PRELID2: variants seen among roughly 807,000 people sequenced by gnomAD.
PRELID2 encodes PRELI domain containing 2.
In PRELID2, 25 loss-of-function variants were observed where a neutral mutation model predicts 28.4. The ratio of observed to expected loss-of-function variants is 0.88; its 90% CI spans 0.64 to 1.23. The LOEUF (loss-of-function observed/expected upper bound fraction) is 1.23, where lower values mean the gene tolerates loss of function less well. Ranked by LOEUF, PRELID2 falls within the 50% of genes most tolerant of loss-of-function variation. The pLI is 0.00. For missense variants in PRELID2, 201 were observed against 214.4 expected (o/e 0.94, Z 0.39); for synonymous variants, 76 against 71.6 (o/e 1.06, Z -0.31).
At chr5:145,257,254 T>C in the PRELID2 span, among the ~76,000 whole-genome samples, 7,654 of 150,462 alleles carry the variant, frequency 0.051, 408 homozygotes, top group African/African-American at 0.12. Context: ...GCAGTAACTA[T>C]ATAATACATT....
At chr5:145,832,947 T>C (rs1398097493) in intron 1 of PRELID2, among the ~76,000 whole-genome samples, 1 of 152,308 alleles carries the variant, frequency 6.6e-6, no homozygotes, top group Middle Eastern at 3.4e-3. Flanking sequence ...ACCATGTATT[T>C]TCCTTTCATA....
intron 1 of PRELID2, among the ~76,000 whole-genome samples, chr5:145,498,140 T>A (rs1021598640): frequency 2.0e-5 from 3 of 152,068 alleles, no homozygotes; most frequent in Non-Finnish European, 2.9e-5. Flanking sequence ...CCACCCAGCT[T>A]CATCTTGGGT....
At chr5:145,337,811 A>C in the PRELID2 span, 1 of 148,118 alleles carries the variant, frequency 6.8e-6, no homozygotes, top group Admixed American at 6.8e-5. Context: ...CAAGCACAGA[A>C]GTTTCTGTTC....
chr5:145,269,893 C>A, the PRELID2 span, among the ~76,000 whole-genome samples: 1 of 147,310 alleles, frequency 6.8e-6, no homozygotes, highest in Non-Finnish European at 1.5e-5. Context: ...TATATGTATA[C>A]ACACACATAC....
At position 145,796,813 on chromosome 5, in the gene PRELID2, T is replaced by C. The variant is rs373321472; in HGVS notation, c.369-266A>G. On this transcript the variant is annotated intron_variant, in intron 4 of 6. Coordinates refer to ENST00000683046, the MANE Select transcript of PRELID2 (RefSeq NM_205846.3). ...GAGTCTGAGGTAATTATCAATGATA[T>C]GACCTTAGGTAAATTATTTAGACTC... 3.1e-4 allele frequency among the ~76,000 whole-genome samples: 47 copies of C among 152,286 alleles called. 1 individual carries two copies. In the South Asian group the frequency reaches 5.0e-3, roughly 16 times the overall value.
chr5:145,549,148 T>C (rs1282120031), intron 1 of PRELID2, among the ~76,000 whole-genome samples: 1 of 152,190 alleles, frequency 6.6e-6, no homozygotes, highest in African/African-American at 2.4e-5. Flanking sequence ...GAGCTCTCTC[T>C]AGAGCTGTCA....
chr5:145,558,084 T>A (rs528259250), intron 1 of PRELID2, among the ~76,000 whole-genome samples: 5 of 152,324 alleles, frequency 3.3e-5, no homozygotes, highest in South Asian at 4.1e-4. Context: ...CAGTATAGAA[T>A]CAGATAAATC....
intron 1 of PRELID2, among the ~76,000 whole-genome samples, chr5:145,602,735 C>A (rs1000124249): frequency 1.3e-5 from 2 of 151,590 alleles, no homozygotes; most frequent in South Asian, 4.2e-4. Flanking sequence ...GGTTTAAGAC[C>A]AGATTAAACA....
the PRELID2 span, chr5:145,429,841 A>C: frequency 6.6e-6 from 1 of 152,212 alleles, no homozygotes; most frequent in African/African-American, 2.4e-5. Flanking sequence ...GAGGCCTGGC[A>C]TGCTTCCATT....
intron 1 of PRELID2, among the ~76,000 whole-genome samples, chr5:145,834,272 T>C (rs1014103255): frequency 5.9e-5 from 9 of 151,818 alleles, no homozygotes; most frequent in Non-Finnish European, 5.9e-5. Flanking sequence ...GAGACAAGAG[T>C]ATAGGACTTT....
At chr5:145,343,144 G>T in the PRELID2 span, among the ~76,000 whole-genome samples, 2 of 151,700 alleles carry the variant, frequency 1.3e-5, no homozygotes, top group Non-Finnish European at 3.0e-5. Context: ...AGAAACATTG[G>T]AATTAAACTT....
the PRELID2 span, among the ~76,000 whole-genome samples, chr5:145,361,614 G>A: frequency 6.6e-6 from 1 of 152,126 alleles, no homozygotes. Flanking sequence ...GCTCTGCAGA[G>A]GGCTATTTTT....
At chr5:145,352,580 C>T in the PRELID2 span, among the ~76,000 whole-genome samples, 1 of 152,198 alleles carries the variant, frequency 6.6e-6, no homozygotes, top group African/African-American at 2.4e-5. Context: ...TCTGACATGG[C>T]CTGGAGATAT....
At chr5:145,674,275 A>C (rs1387951338) in intron 1 of PRELID2, among the ~76,000 whole-genome samples, 1 of 152,062 alleles carries the variant, frequency 6.6e-6, no homozygotes, top group Non-Finnish European at 1.5e-5. Flanking sequence ...CTTGTCATTT[A>C]CATCAGGTAT....
At chr5:145,801,812 G>A (rs762869740) in intron 4 of PRELID2, among the ~76,000 whole-genome samples, 48 of 152,146 alleles carry the variant, frequency 3.2e-4, no homozygotes, top group Non-Finnish European at 5.1e-4. Flanking sequence ...CCCCTCTCTA[G>A]AATCAATCTA....
intron 1 of PRELID2, among the ~76,000 whole-genome samples, chr5:145,720,927 G>A (rs1474185035): frequency 6.6e-6 from 1 of 151,934 alleles, no homozygotes; most frequent in Non-Finnish European, 1.5e-5. Context: ...GAAAGTTTTT[G>A]TTTATGTGAG....
chr5:145,378,874 G>A, the PRELID2 span, among the ~76,000 whole-genome samples: 2 of 152,194 alleles, frequency 1.3e-5, no homozygotes, highest in Non-Finnish European at 2.9e-5. Flanking sequence ...GGCTCTTTAA[G>A]TTGTCAGGGT....
the PRELID2 span, among the ~76,000 whole-genome samples, chr5:145,335,331 C>G: frequency 6.2e-3 from 945 of 151,960 alleles, 31 homozygotes; most frequent in East Asian, 0.01. Context: ...ATTTATATCT[C>G]TTTGTATAAC....
chr5:145,534,327 G>A (rs904353548), intron 1 of PRELID2, among the ~76,000 whole-genome samples: 4 of 151,956 alleles, frequency 2.6e-5, no homozygotes, highest in African/African-American at 9.7e-5. Flanking sequence ...CACAGGAAAT[G>A]TGTATTTTAT....
Sources: gnomAD v4.1 joint callset for allele counts (sites outside exome capture counted in the v4.1 genomes callset) on GRCh38, gnomAD v4.1.1 for gene constraint, MANE v1.5 for transcripts, NCBI Gene and HGNC (gene_info 2026-07-23, HGNC 2026-07-21) for gene names.